The following RUNX1 variants were observed in gnomAD, a reference collection of about 807,000 sequenced individuals.
The protein encoded by RUNX1 is runt-related transcription factor 1.
Under a neutral mutation model 42.8 loss-of-function variants are expected in RUNX1, and 19 were observed. The observed-to-expected ratio is 0.44, with a 90% confidence interval of 0.31 to 0.65. The LOEUF (loss-of-function observed/expected upper bound fraction) is 0.65, where lower values mean the gene tolerates loss of function less well. Ranked by LOEUF, RUNX1 falls within the 30% of genes least tolerant of loss-of-function variation. The pLI, the probability that RUNX1 is intolerant of heterozygous loss-of-function variation, is 0.07. For synonymous variants in RUNX1, 271 were observed against 289.4 expected (o/e 0.94, Z 0.64); for missense variants, 528 against 672.0 (o/e 0.79, Z 2.37).
intron 5 of RUNX1, among the ~76,000 whole-genome samples, chr21:34,865,172 A>G (rs2057638959): frequency 6.6e-6 from 1 of 152,206 alleles, no homozygotes; most frequent in East Asian, 1.9e-4. Flanking sequence ...TGATCATTAA[A>G]GACATGATAA....
At chr21:35,005,028 T>C (rs2059073787) in intron 2 of RUNX1, among the ~76,000 whole-genome samples, 1 of 152,168 alleles carries the variant, frequency 6.6e-6, no homozygotes, top group Admixed American at 6.5e-5. Flanking sequence ...CTTTTCTCTA[T>C]CCACAGCATA....
At chr21:34,920,408 T>G (rs758953079) in intron 2 of RUNX1, among the ~76,000 whole-genome samples, 5 of 152,184 alleles carry the variant, frequency 3.3e-5, no homozygotes, top group Non-Finnish European at 7.3e-5. Flanking sequence ...TACTACCTAC[T>G]GGGGGCAGCT....
At chr21:34,831,544 G>C (rs1020375857) in intron 7 of RUNX1, among the ~76,000 whole-genome samples, 2 of 152,056 alleles carry the variant, frequency 1.3e-5, no homozygotes, top group Admixed American at 6.6e-5. Flanking sequence ...TATAAATCCC[G>C]GCAAGCTCGC....
rs1469174659 is a variant in RUNX1, at chr21:35,048,943, CAAT to C, written c.-47_-45del. ...CACCCTCTTCTGAAGGCGGGGGACT[CAAT>C]GATTTCTTTTACCTTCGGAGCGAAA... is the stretch of plus-strand genomic sequence containing the variant. On this transcript the variant is annotated 5_prime_UTR_variant, in exon 2 of 9. Coordinates refer to ENST00000675419, the MANE Select transcript of RUNX1 (RefSeq NM_001754.5). 2.5e-6 allele frequency: 4 copies of C among 1,579,608 alleles called. No homozygotes were observed. Among genetic ancestry groups the C allele is most frequent in the African/African-American group, 2.7e-5 (2 of 74,318 alleles).
At chr21:34,847,693 T>C (rs2057337149) in intron 6 of RUNX1, among the ~76,000 whole-genome samples, 1 of 152,174 alleles carries the variant, frequency 6.6e-6, no homozygotes, top group African/African-American at 2.4e-5. Flanking sequence ...AGGTGCTTCA[T>C]GTTAAGAAGC....
intron 7 of RUNX1, chr21:34,834,190 C>G (rs1031375457): frequency 1.4e-6 from 1 of 698,946 alleles, no homozygotes; most frequent in Non-Finnish European, 2.6e-6. Flanking sequence ...TTGTGGGGAT[C>G]TGGTTACAAT....
In RUNX1 at chr21:34,889,626, G is replaced by C. The variant is rs938698494; in HGVS notation, c.98-2530C>G. On this transcript the variant is annotated intron_variant, in intron 3 of 8. Transcript: ENST00000675419. ...CTCCGGCTCCCCGGAAGCGGCCCCC[G>C]CTCCTCTCCCCGCCCCCGTGCGCTC... 24 of 1,076,892 alleles carry C rather than the reference G, an allele frequency of 2.2e-5. 1 individual carries two copies. In the South Asian group the frequency reaches 6.0e-4, roughly 27 times the overall value. 66.7% of individuals were successfully genotyped at this position (1,076,892 alleles called of 1,614,324 possible). A position where few individuals can be genotyped will look rare whatever the true frequency, so the allele number is the denominator to read the frequency against.
intron 5 of RUNX1, among the ~76,000 whole-genome samples, chr21:34,875,022 T>C (rs865826119): frequency 6.6e-6 from 1 of 152,310 alleles, no homozygotes; most frequent in South Asian, 2.1e-4. Context: ...CTTCTGCCCA[T>C]CAAACTATAA....
intron 2 of RUNX1, among the ~76,000 whole-genome samples, chr21:35,020,732 G>T (rs2059192439): frequency 6.6e-6 from 1 of 152,172 alleles, no homozygotes; most frequent in Non-Finnish European, 1.5e-5. Flanking sequence ...GGTCTAGGCT[G>T]ATGTGCAAGT....
At chr21:34,929,140 A>G (rs2058421047) in intron 2 of RUNX1, among the ~76,000 whole-genome samples, 2 of 152,206 alleles carry the variant, frequency 1.3e-5, no homozygotes, top group South Asian at 2.1e-4. Context: ...TACCTTTCAA[A>G]TTCAGTAATG....
At chr21:34,888,417 A>G (rs755572867) in intron 3 of RUNX1, 91 of 1,067,284 alleles carry the variant, frequency 8.5e-5, no homozygotes, top group Non-Finnish European at 1.0e-4. Flanking sequence ...TAAAAGGAAA[A>G]CAATTGGGGA....
intron 2 of RUNX1, among the ~76,000 whole-genome samples, chr21:34,905,975 C>A (rs2058214968): frequency 6.6e-6 from 1 of 152,142 alleles, no homozygotes; most frequent in Non-Finnish European, 1.5e-5. Flanking sequence ...TCTATAGCAA[C>A]CTATAAAACA....
At chr21:34,889,698 C>T in intron 3 of RUNX1, 7 of 1,173,724 alleles carry the variant, frequency 6.0e-6, no homozygotes, top group African/African-American at 4.9e-5. Context: ...GTGCGGGCGG[C>T]CGCTTCCCCC....
At chr21:34,935,148 A>C (rs915735560) in intron 2 of RUNX1, among the ~76,000 whole-genome samples, 3 of 152,190 alleles carry the variant, frequency 2.0e-5, no homozygotes, top group Admixed American at 1.3e-4. Flanking sequence ...TAATGAAAAT[A>C]ATCTGTCACT....
chr21:34,803,344 G>A (rs369439622), intron 7 of RUNX1, among the ~76,000 whole-genome samples: 3 of 152,098 alleles, frequency 2.0e-5, no homozygotes, highest in African/African-American at 7.2e-5. Flanking sequence ...TTAGGAGATC[G>A]AGACCATCCT....
intron 2 of RUNX1, among the ~76,000 whole-genome samples, chr21:34,987,168 C>T (rs555893591): frequency 6.6e-6 from 1 of 152,346 alleles, no homozygotes; most frequent in Non-Finnish European, 1.5e-5. Context: ...GGTTTCTAAA[C>T]TCCCCACTGT....
chr21:34,836,529 A>G (rs1303533270), intron 6 of RUNX1, among the ~76,000 whole-genome samples: 1 of 152,210 alleles, frequency 6.6e-6, no homozygotes, highest in Non-Finnish European at 1.5e-5. Flanking sequence ...AGAAAAACAA[A>G]CAATTCCAAT....
intron 6 of RUNX1, among the ~76,000 whole-genome samples, chr21:34,835,711 CT>C (rs2146083737): frequency 6.6e-6 from 1 of 152,274 alleles, no homozygotes; most frequent in South Asian, 2.1e-4. Context: ...ATAAAGAGTC[CT>C]TGATCGATTG....
At chr21:34,830,574 A>C (rs948443111) in intron 7 of RUNX1, among the ~76,000 whole-genome samples, 12 of 152,124 alleles carry the variant, frequency 7.9e-5, no homozygotes, top group Non-Finnish European at 1.6e-4. Flanking sequence ...TAGTAAATCG[A>C]TCCTTGACCC....
Sources: gnomAD v4.1 joint callset for allele counts (sites outside exome capture counted in the v4.1 genomes callset) on GRCh38, gnomAD v4.1.1 for gene constraint, MANE v1.5 for transcripts, NCBI Gene and HGNC (gene_info 2026-07-23, HGNC 2026-07-21) for gene names.